The following ARGLU1 variants were observed in gnomAD, a reference collection of about 807,000 sequenced individuals.
ARGLU1 encodes the protein arginine and glutamate rich 1.
A neutral mutation model predicts 37.6 loss-of-function variants in ARGLU1; 9 were observed. The observed-to-expected ratio is 0.24, with a 90% CI of 0.14 to 0.42. The LOEUF is 0.42. Among genes scored for constraint, ARGLU1 ranks in the 10% least tolerant of loss-of-function variants. The probability of loss-of-function intolerance (pLI) is 1.00; values close to 1 mark genes in which losing one functional copy is unlikely to be tolerated. For synonymous variants in ARGLU1, 166 were observed against 138.5 expected, an observed-to-expected ratio of 1.20 and a Z score of -1.39; for missense variants, 211 against 359.2, an observed-to-expected ratio of 0.59 and a Z score of 3.34.
chr13:106,555,354 TCCGTCTCAAAAACAAAACA>T (rs1004464608), intron 3 of ARGLU1, among the ~76,000 whole-genome samples: 1 of 151,976 alleles, frequency 6.6e-6, no homozygotes, highest in African/African-American at 2.4e-5. Context: ...AGAGCAAAAC[TCCGTCTCAAAAACAAAACA>T]AAGCAAGAAT....
chr13:106,559,588 T>G lies in ARGLU1; in HGVS notation c.417A>C (p.Ala139=). ...ETARRVEELV[A]KRVEEELEKR... ...TCTCCAGTTCTTCCTCCACCCTTTT[T>G]GCTACCAATTCTTCTACTCTTCGTG... The change falls in exon 2 of 4, where the codon GCA becomes GCC. Residue 139 remains alanine, a synonymous_variant. Coordinates refer to ENST00000400198, the MANE Select transcript of ARGLU1 (RefSeq NM_018011.4). 6.2e-7 allele frequency: 1 copy of G among 1,614,248 alleles called. No individual in the cohort carries two copies. The highest frequency in any genetic ancestry group is 2.2e-5 in the East Asian group (1 of 44,888).
At chr13:106,544,522 G>T (rs551382484) in intron 3 of ARGLU1, among the ~76,000 whole-genome samples, 23 of 151,456 alleles carry the variant, frequency 1.5e-4, no homozygotes, top group African/African-American at 5.3e-4. Flanking sequence ...CATTTTGGAA[G>T]TGGAAATTAA....
At position 106,567,674 on chromosome 13, in the gene ARGLU1, G is replaced by A; in HGVS notation, c.246C>T (p.Ile82=). 1.2e-6 allele frequency: 2 copies of A among 1,613,432 alleles called. No homozygotes were observed. Among genetic ancestry groups the A allele is most frequent in the South Asian group, 1.1e-5 (1 of 91,074 alleles). Residue 82 remains isoleucine (I), a synonymous_variant, in exon 1 of 4, where the codon ATC becomes ATT. Coordinates refer to ENST00000400198, the MANE Select transcript of ARGLU1 (RefSeq NM_018011.4). The surrounding 1 kb of genome is among the most constrained non-coding windows in gnomAD (Gnocchi z 4.3). ...RERASSPPDR[I]DIFGRTVSKR... Reference sequence around the variant, plus strand: ...TGCTCACCGTGCGCCCGAAGATGTCGATGCGGTCGGGCGGGGACGAGGCGC... The same window carrying A: ...TGCTCACCGTGCGCCCGAAGATGTCAATGCGGTCGGGCGGGGACGAGGCGC...
chr13:106,562,161 C>CT (rs1880823961), intron 1 of ARGLU1, among the ~76,000 whole-genome samples: 1 of 152,206 alleles, frequency 6.6e-6, no homozygotes, highest in African/African-American at 2.4e-5. Flanking sequence ...CACAGCAAAA[C>CT]TGTTTGCCTG....
chr13:106,555,268 A>G (rs1880633203), intron 3 of ARGLU1, among the ~76,000 whole-genome samples: 1 of 152,100 alleles, frequency 6.6e-6, no homozygotes, highest in Non-Finnish European at 1.5e-5. Flanking sequence ...GAGGCAGGAG[A>G]ATAGCCTGAA....
rs926804721 is a variant in ARGLU1 at position 106,543,745 on chromosome 13, A to ATT, written c.*250_*251insAA. 31 of 376,936 alleles carry ATT rather than the reference A, an allele frequency of 8.2e-5. No homozygotes were observed. The highest frequency in any genetic ancestry group is 6.7e-4 in the African/African-American group (31 of 46,520). 23.3% of individuals were successfully genotyped at this position (376,936 alleles called of 1,614,324 possible). On this transcript the variant is annotated 3_prime_UTR_variant, in exon 4 of 4. Coordinates refer to ENST00000400198, the MANE Select transcript of ARGLU1 (RefSeq NM_018011.4). ...TGATCTGCTCTTCCTCAGACCACTA[A>ATT]TATAGAATCCAAACAGGTGAAAAAT...
At chr13:106,559,928 A>G (rs1880750814) in intron 1 of ARGLU1, among the ~76,000 whole-genome samples, 1 of 152,206 alleles carries the variant, frequency 6.6e-6, no homozygotes, top group South Asian at 2.1e-4. Flanking sequence ...ATTAGTTCTA[A>G]TTTAGGAACA....
In ARGLU1 at chr13:106,543,641, T is replaced by C. The variant is rs550212204; in HGVS notation, c.*355A>G. ...CAAAAAGTCAGCAAAACCAGCATTA[T>C]GATGTAGCAAACAGAGTATAACTCT... On this transcript the variant is annotated 3_prime_UTR_variant, in exon 4 of 4. Coordinates refer to ENST00000400198, the MANE Select transcript of ARGLU1 (RefSeq NM_018011.4). The C allele has an allele frequency of 5.9e-4, 94 of 160,492 alleles. 1 individual carries two copies. The highest frequency in any genetic ancestry group is 2.1e-3 in the African/African-American group (88 of 41,918). The allele number at this position is 160,492 out of a possible 1,614,324, so 9.9% of individuals were successfully genotyped here. A position where few individuals can be genotyped will look rare whatever the true frequency, so the allele number is the denominator to read the frequency against.
At chr13:106,559,300 A>G in intron 2 of ARGLU1, 132 bp downstream of exon 2, 5 of 1,541,498 alleles carry the variant, frequency 3.2e-6, no homozygotes, top group Non-Finnish European at 4.4e-6. Context: ...CTTTCGCAGC[A>G]ATGTTAAGTT....
At chr13:106,544,251 A>C (rs1880335186) in intron 3 of ARGLU1, 91 bp from the exon 4 acceptor site, 1 of 1,187,330 alleles carries the variant, frequency 8.4e-7, no homozygotes, top group Middle Eastern at 3.1e-4. Context: ...ATGTATCTAC[A>C]AAAAAATTTT....
chr13:106,548,995 C>T (rs1566471090), intron 3 of ARGLU1, among the ~76,000 whole-genome samples: 1 of 152,172 alleles, frequency 6.6e-6, no homozygotes, highest in Non-Finnish European at 1.5e-5. Context: ...TTGTGATCCG[C>T]CTGCCCTGGC....
rs1880311549 is a variant in ARGLU1, at chr13:106,543,483, G to T, written c.*513C>A. The stretch of plus-strand genomic sequence containing the variant: ...GAGTTGACCAACTGTTTCCTTACCT[G>T]TATCAGGAACATCAAGAGCAACAGT... On this transcript the variant is annotated 3_prime_UTR_variant, in exon 4 of 4. Coordinates refer to ENST00000400198, the MANE Select transcript of ARGLU1 (RefSeq NM_018011.4). 1 of 152,694 alleles carries T rather than the reference G, an allele frequency of 6.5e-6. No homozygotes were observed. The highest frequency in any genetic ancestry group is 2.1e-4 in the South Asian group (1 of 4,838). The allele number at this position is 152,694 out of a possible 1,614,324, so 9.5% of individuals were successfully genotyped here. A position where few individuals can be genotyped will look rare whatever the true frequency, so the allele number is the denominator to read the frequency against.
At chr13:106,561,877 T>C (rs989241506) in intron 1 of ARGLU1, 1 of 152,212 alleles carries the variant, frequency 6.6e-6, no homozygotes, top group African/African-American at 2.4e-5. Context: ...CTATTTCCAC[T>C]GATGACATCA....
intron 1 of ARGLU1, among the ~76,000 whole-genome samples, chr13:106,563,509 A>G (rs1880873176): frequency 6.6e-6 from 1 of 152,172 alleles, no homozygotes; most frequent in Non-Finnish European, 1.5e-5. Context: ...AAAAAAAGGA[A>G]GAAAAAAGTA....
At chr13:106,544,261 TTAATGC>T (rs1880335870) in intron 3 of ARGLU1, 101 bp from the exon 4 acceptor site, 1 of 1,035,234 alleles carries the variant, frequency 9.7e-7, no homozygotes, top group Admixed American at 3.3e-5. Flanking sequence ...AAAAAAATTT[TTAATGC>T]AAATGCAAAA....
intron 3 of ARGLU1, 56 bp from the exon 4 acceptor site, chr13:106,544,216 A>AC (rs1880333935): frequency 7.0e-7 from 1 of 1,420,690 alleles, no homozygotes; most frequent in Admixed American, 2.6e-5. Flanking sequence ...TATCATATGT[A>AC]CCCCTGCAAC....
At chr13:106,551,638 T>C (rs944875841) in intron 3 of ARGLU1, among the ~76,000 whole-genome samples, 1 of 152,016 alleles carries the variant, frequency 6.6e-6, no homozygotes, top group Non-Finnish European at 1.5e-5. Flanking sequence ...AGGCCAGGAG[T>C]CTGAAATCAG....
At chr13:106,559,679 A>G in intron 1 of ARGLU1, 22 bp from the exon 2 acceptor site, 1 of 1,596,974 alleles carries the variant, frequency 6.3e-7, no homozygotes, top group Non-Finnish European at 8.5e-7. Context: ...AGTGAAAAAA[A>G]CAAGTTAGGT....
At chr13:106,561,424 T>TACACACACACACACAC (rs59373729) in intron 1 of ARGLU1, among the ~76,000 whole-genome samples, 1 of 147,860 alleles carries the variant, frequency 6.8e-6, no homozygotes, top group African/African-American at 2.5e-5. Flanking sequence ...TAATAAAGTG[T>TACACACACACACACAC]ACACACACAC....
Sources: gnomAD v4.1 joint callset for allele counts (sites outside exome capture counted in the v4.1 genomes callset) on GRCh38, gnomAD v4.1.1 for gene constraint, Gnocchi (gnomAD v3.1) non-coding constraint, MANE v1.5 for transcripts, NCBI Gene and HGNC (gene_info 2026-07-23, HGNC 2026-07-21) for gene names.